Variants in SDK1 observed in about 807,000 individuals in gnomAD.
SDK1 encodes the protein protein sidekick-1.
A neutral mutation model predicts 245.5 loss-of-function variants in SDK1; 157 were observed. The observed-to-expected ratio is 0.64, with a 90% confidence interval of 0.56 to 0.73. SDK1 has a LOEUF of 0.73. Among genes scored for constraint, SDK1 ranks in the 30% least tolerant of loss-of-function variants. The pLI, the probability that SDK1 is intolerant of heterozygous loss-of-function variation, is 0.00. For missense variants in SDK1, 3,583 were observed against 3,002.3 expected (o/e 1.19, Z -4.52); for synonymous variants, 1,647 against 1,278.5 (o/e 1.29, Z -6.15).
chr7:3,990,989 T>C (rs577699419), intron 14 of SDK1, among the ~76,000 whole-genome samples: 1 of 152,370 alleles, frequency 6.6e-6, no homozygotes, highest in African/African-American at 2.4e-5. Context: ...GCATCTGCTC[T>C]GCACTCTGCT....
intron 44 of SDK1, among the ~76,000 whole-genome samples, chr7:4,249,166 T>C (rs1418786732): frequency 6.6e-6 from 1 of 152,114 alleles, no homozygotes; most frequent in Non-Finnish European, 1.5e-5. Context: ...GAACCCACAC[T>C]AAATGGAATT....
At chr7:3,533,383 A>G (rs958364102) in intron 1 of SDK1, among the ~76,000 whole-genome samples, 1 of 152,202 alleles carries the variant, frequency 6.6e-6, no homozygotes, top group Non-Finnish European at 1.5e-5. Flanking sequence ...AGGAAAGACC[A>G]AGGGAGGACT....
At chr7:4,077,604 C>T (rs553108257) in intron 21 of SDK1, among the ~76,000 whole-genome samples, 15 of 152,172 alleles carry the variant, frequency 9.9e-5, no homozygotes, top group South Asian at 2.1e-4. Flanking sequence ...ACTTACAGTT[C>T]CGTATGGTTG....
intron 1 of SDK1, among the ~76,000 whole-genome samples, chr7:3,602,872 A>C (rs916034009): frequency 6.6e-6 from 1 of 152,078 alleles, no homozygotes; most frequent in African/African-American, 2.4e-5. Context: ...AAGGAAGGGA[A>C]TCCAGTTTCA....
At chr7:3,903,364 C>T (rs543274396) in intron 5 of SDK1, among the ~76,000 whole-genome samples, 10 of 152,086 alleles carry the variant, frequency 6.6e-5, no homozygotes, top group East Asian at 1.9e-4. Flanking sequence ...AGGATGGTCT[C>T]GATCATCTGC....
At chr7:4,255,293 C>G (rs761698449) in intron 44 of SDK1, among the ~76,000 whole-genome samples, 10 of 152,232 alleles carry the variant, frequency 6.6e-5, no homozygotes, top group Non-Finnish European at 1.5e-5. Context: ...AGTCATTTTC[C>G]TCAGTCAGAG....
chr7:3,779,221 G>C (rs1024010065), intron 4 of SDK1, among the ~76,000 whole-genome samples: 1 of 152,140 alleles, frequency 6.6e-6, no homozygotes, highest in Non-Finnish European at 1.5e-5. Flanking sequence ...TGAATACAGA[G>C]CTGGAGTTGG....
chr7:3,938,734 T>C (rs7794993), intron 5 of SDK1, among the ~76,000 whole-genome samples: 1 of 151,980 alleles, frequency 6.6e-6, no homozygotes, highest in Admixed American at 6.6e-5. Context: ...CTCCTAAATA[T>C]GCTCCTAAAT....
chr7:3,927,998 C>G (rs757654400), intron 5 of SDK1, among the ~76,000 whole-genome samples: 30 of 152,152 alleles, frequency 2.0e-4, no homozygotes, highest in Non-Finnish European at 3.7e-4. Flanking sequence ...AGAAACTGAG[C>G]TAGTGTTGCA....
intron 1 of SDK1, among the ~76,000 whole-genome samples, chr7:3,307,230 A>G (rs1216987397): frequency 6.6e-6 from 1 of 151,732 alleles, no homozygotes; most frequent in Admixed American, 6.6e-5. Flanking sequence ...AAGTATGTAC[A>G]CCTCTTTTTT....
In SDK1 at chr7:3,763,187, T is replaced by C. The variant is rs1180626839; in HGVS notation, c.714-58263T>C. 3.3e-5 allele frequency among the ~76,000 whole-genome samples: 5 copies of C among 152,348 alleles called. No homozygotes were observed. The East Asian group carries it at 7.7e-4, about 23-fold the overall frequency. On this transcript the variant is annotated intron_variant, in intron 4 of 44. Coordinates refer to ENST00000404826, the MANE Select transcript of SDK1 (RefSeq NM_152744.4). ...GATAAACTGTCTTTAATAAATTTTT[T>C]TGTCTTGTCATTTACAAATAAGCAT...
chr7:3,909,931 G>T (rs1240594248), intron 5 of SDK1, among the ~76,000 whole-genome samples: 1 of 152,138 alleles, frequency 6.6e-6, no homozygotes, highest in Non-Finnish European at 1.5e-5. Context: ...ACACCCCGGG[G>T]AAGTGAATAT....
At chr7:3,635,670 C>G (rs541209147) in intron 2 of SDK1, among the ~76,000 whole-genome samples, 1 of 152,090 alleles carries the variant, frequency 6.6e-6, no homozygotes, top group Non-Finnish European at 1.5e-5. Flanking sequence ...TTTCTTCTCC[C>G]CTTTTTGGAA....
chr7:4,217,019 ACACCACC>A (rs1784839221), intron 38 of SDK1, among the ~76,000 whole-genome samples: 1 of 125,578 alleles, frequency 8.0e-6, no homozygotes, highest in South Asian at 3.2e-4. Context: ...CCGGAGCACC[ACACCACC>A]CGGAGCACCA....
At chr7:3,538,916 G>A (rs1028914379) in intron 1 of SDK1, among the ~76,000 whole-genome samples, 1 of 152,210 alleles carries the variant, frequency 6.6e-6, no homozygotes, top group Non-Finnish European at 1.5e-5. Context: ...AGAGGCAGAC[G>A]GAATCTTCTT....
At chr7:4,232,353 T>C (rs1246535349) in intron 40 of SDK1, among the ~76,000 whole-genome samples, 1 of 144,000 alleles carries the variant, frequency 6.9e-6, no homozygotes, top group Non-Finnish European at 1.5e-5. Flanking sequence ...GTGTCATAAG[T>C]TTTTTTCTTT....
chr7:3,965,858 G>A (rs565733360), intron 9 of SDK1, among the ~76,000 whole-genome samples: 1 of 152,136 alleles, frequency 6.6e-6, no homozygotes, highest in Non-Finnish European at 1.5e-5. Flanking sequence ...GGGGACATGC[G>A]CATTGCATGG....
chr7:4,076,874 G>A, intron 20 of SDK1, 124 bp from the exon 21 acceptor site: 1 of 772,460 alleles, frequency 1.3e-6, no homozygotes, highest in Non-Finnish European at 2.1e-6. Context: ...GTGGCTCTAA[G>A]CTGCCTTCAG....
intron 22 of SDK1, among the ~76,000 whole-genome samples, chr7:4,084,669 A>C (rs1781309449): frequency 9.4e-6 from 1 of 106,454 alleles, no homozygotes; most frequent in Non-Finnish European, 1.7e-5. Flanking sequence ...TGTATATGTT[A>C]TGTTACGTTA....
Sources: allele counts gnomAD v4.1 joint callset (sites outside exome capture counted in the v4.1 genomes callset), GRCh38; gene constraint gnomAD v4.1.1; transcripts MANE v1.5; gene names NCBI Gene and HGNC (gene_info 2026-07-23, HGNC 2026-07-21).